The following ABCA3 variants were observed in gnomAD, a reference collection of about 807,000 sequenced individuals.
ABCA3 encodes ATP binding cassette subfamily A member 3.
In ABCA3, 88 loss-of-function variants were observed where a neutral mutation model predicts 172.8. The ratio of observed to expected loss-of-function variants is 0.51; its 90% CI spans 0.43 to 0.61. The LOEUF is 0.61. Ranked by LOEUF, ABCA3 falls within the 20% of genes least tolerant of loss-of-function variation. ABCA3 has a pLI of 0.00. For missense variants in ABCA3, 2,164 were observed against 2,301.0 expected (o/e 0.94, Z 1.22); for synonymous variants, 1,066 against 983.8 (o/e 1.08, Z -1.56).
intron 10 of ABCA3, among the ~76,000 whole-genome samples, chr16:2,310,820 G>A (rs2093705578): frequency 6.6e-6 from 1 of 151,760 alleles, no homozygotes; most frequent in South Asian, 2.1e-4. Flanking sequence ...TTGACCGGCT[G>A]ATTTTTTCTT....
intron 8 of ABCA3, 95 bp from the exon 9 acceptor site, chr16:2,317,859 T>C: frequency 8.9e-7 from 1 of 1,124,608 alleles, no homozygotes; most frequent in Non-Finnish European, 1.3e-6. Flanking sequence ...AGTCCGACTG[T>C]CCCAGCAGCC....
chr16:2,317,589 C>T (rs1039595652), intron 9 of ABCA3, 59 bp downstream of exon 9: 19 of 1,602,768 alleles, frequency 1.2e-5, no homozygotes, highest in Non-Finnish European at 1.6e-5. Flanking sequence ...CAAGAGGGCC[C>T]TCCTGGGGTG....
chr16:2,285,728 C>A lies in ABCA3; in HGVS notation c.3279-82G>T. ...GGTCGGGTTCTCGGTTATGACCGCC[C>A]AAGGCATGCAGGGCAGCAGCCCAAC... On this transcript the variant is annotated intron_variant, in intron 22 of 32. Coordinates refer to ENST00000301732, the MANE Select transcript of ABCA3 (RefSeq NM_001089.3). This position sits in a 1 kb window ranked among gnomAD's most constrained non-coding sequence, Gnocchi z 4.7. 1.4e-6 allele frequency: 2 copies of A among 1,393,746 alleles called. No homozygotes were observed. The highest frequency in any genetic ancestry group is 1.2e-5 in the South Asian group (1 of 80,370). The allele number at this position is 1,393,746 out of a possible 1,614,324, so 86.3% of individuals were successfully genotyped here. A position where few individuals can be genotyped will look rare whatever the true frequency, so the allele number is the denominator to read the frequency against.
chr16:2,339,681 A>C (rs2093757405), intron 1 of ABCA3, among the ~76,000 whole-genome samples: 1 of 152,196 alleles, frequency 6.6e-6, no homozygotes. Flanking sequence ...GAGTTCCAGG[A>C]ACACAAACCC....
chr16:2,301,026 C>T (rs568994792), intron 12 of ABCA3, among the ~76,000 whole-genome samples: 91 of 149,848 alleles, frequency 6.1e-4, no homozygotes, highest in Non-Finnish European at 8.7e-4. Context: ...GTCAGGAGAT[C>T]GAGACCATCC....
chr16:2,315,722 G>C (rs1341990126), intron 10 of ABCA3, among the ~76,000 whole-genome samples: 1 of 151,844 alleles, frequency 6.6e-6, no homozygotes, highest in Non-Finnish European at 1.5e-5. Flanking sequence ...GGAATGCAGT[G>C]GTACAAACTC....
At chr16:2,314,709 TG>T (rs1446418827) in intron 10 of ABCA3, among the ~76,000 whole-genome samples, 4 of 151,616 alleles carry the variant, frequency 2.6e-5, no homozygotes, top group Admixed American at 1.3e-4. Context: ...CCCAAGAAGC[TG>T]GGATTACAGG....
At position 2,298,440 on chromosome 16, in the gene ABCA3, G is replaced by A. The variant is rs201278906; in HGVS notation, c.1842C>T (p.His614=). 3.2e-5 allele frequency: 51 copies of A among 1,614,036 alleles called. 1 individual carries two copies. The East Asian group carries it at 7.8e-4, about 25-fold the overall frequency. Residue 614 remains histidine, a synonymous_variant, in exon 15 of 33, where the codon CAC becomes CAT. Transcript: ENST00000301732. ...CTGTCAAGTTGTCAAACAGGATGTC[G>A]TGCTGCGGGCACAGGCCCAGGCTCT... ...IRKSLGLCPQ[H]DILFDNLTVA...
intron 11 of ABCA3, among the ~76,000 whole-genome samples, chr16:2,305,171 T>C (rs1263838953): frequency 6.6e-6 from 1 of 152,140 alleles, no homozygotes; most frequent in African/African-American, 2.4e-5. Context: ...TCTTGCTCTG[T>C]CACCCAGGCT....
chr16:2,326,038 C>A lies in ABCA3; in HGVS notation c.291G>T (p.Val97=), dbSNP rs768510111. The A allele has an allele frequency of 6.2e-7, 1 of 1,614,024 alleles. No homozygotes were observed. Among genetic ancestry groups the A allele is most frequent in the Non-Finnish European group, 8.5e-7 (1 of 1,180,026 alleles). ...GCATGTTGATCACAAGTGCCCTGCG[C>A]ACTGTCTCAGTGACGGTCTTGGCAG... The part of the protein sequence containing the change: ...SDAAKTVTET[V]RRALVINMRV... The change falls in exon 5 of 33, where the codon GTG becomes GTT. Residue 97 remains valine (V), a synonymous_variant. Coordinates refer to ENST00000301732, the MANE Select transcript of ABCA3 (RefSeq NM_001089.3).
rs536393732 is a variant in ABCA3 at position 2,284,530 on chromosome 16, C to T, written c.3704-93G>A. The T allele has an allele frequency of 2.2e-5, 34 of 1,548,956 alleles. No individual in the cohort carries two copies. In the South Asian group the frequency reaches 2.5e-4, roughly 11 times the overall value. ...GTCAGGGCGGGCACAGGGCCTTATCCGTGCTGTGTGGAGTGAGGGGGCACC... is the reference window on the plus strand; with the variant it reads ...GTCAGGGCGGGCACAGGGCCTTATCTGTGCTGTGTGGAGTGAGGGGGCACC... On this transcript the variant is annotated intron_variant, in intron 24 of 32. Transcript: ENST00000301732. This position sits in a 1 kb window ranked among gnomAD's most constrained non-coding sequence, Gnocchi z 5.9.
In ABCA3 at chr16:2,285,823, A is replaced by G. The variant is rs1244558318; in HGVS notation, c.3279-177T>C. Among the ~76,000 whole-genome samples the G allele has an allele frequency of 6.6e-6, 1 of 152,044 alleles. No homozygotes were observed. Among genetic ancestry groups the G allele is most frequent in the East Asian group, 1.9e-4 (1 of 5,182 alleles). ...CCGGGAACATCTGCCCCCACCGGAG[A>G]ACGGTTCCTCTGGAATTCCTATGCT... On this transcript the variant is annotated intron_variant, in intron 22 of 32. Transcript: ENST00000301732. The surrounding 1 kb of genome is among the most constrained non-coding windows in gnomAD (Gnocchi z 4.7).
chr16:2,283,393 T>C lies in ABCA3; in HGVS notation c.3863-35A>G. Reference sequence around the variant, plus strand: ...GAGGGAGTCACTGTGCCCCGAGGCCTGGGGCACCCTCCTCCCCTTCCAGGT... The same window carrying C: ...GAGGGAGTCACTGTGCCCCGAGGCCCGGGGCACCCTCCTCCCCTTCCAGGT... On this transcript the variant is annotated intron_variant, in intron 25 of 32. Coordinates refer to ENST00000301732, the MANE Select transcript of ABCA3 (RefSeq NM_001089.3). The surrounding 1 kb of genome is among the most constrained non-coding windows in gnomAD (Gnocchi z 5.4). 2.5e-6 allele frequency: 4 copies of C among 1,604,236 alleles called. No individual in the cohort carries two copies. The highest frequency in any genetic ancestry group is 3.4e-6 in the Non-Finnish European group (4 of 1,174,394).
intron 10 of ABCA3, among the ~76,000 whole-genome samples, chr16:2,312,281 T>C (rs187795075): frequency 1.1e-4 from 16 of 152,212 alleles, no homozygotes; most frequent in Admixed American, 3.3e-4. Flanking sequence ...GGAATAACTA[T>C]AGTCTAGTGG....
intron 26 of ABCA3, among the ~76,000 whole-genome samples, chr16:2,282,385 C>T (rs1056280368): frequency 1.3e-5 from 2 of 152,240 alleles, no homozygotes; most frequent in African/African-American, 2.4e-5. Context: ...AGGTGTGAGC[C>T]ACCATGCCTG....
chr16:2,287,911 G>C lies in ABCA3; in HGVS notation c.3004+115C>G, dbSNP rs374080392. ...CTGCTGAACCTCCCTCAGTACATTC[G>C]GAACAGCCAAGAACCATCCTCCCCA... On this transcript the variant is annotated intron_variant, in intron 21 of 32. Coordinates refer to ENST00000301732, the MANE Select transcript of ABCA3 (RefSeq NM_001089.3). This position sits in a 1 kb window ranked among gnomAD's most constrained non-coding sequence, Gnocchi z 4.1. The C allele has an allele frequency of 1.5e-5, 20 of 1,338,946 alleles. No homozygotes were observed. Among genetic ancestry groups the C allele is most frequent in the Non-Finnish European group, 1.3e-5 (13 of 970,804 alleles). 82.9% of individuals were successfully genotyped at this position (1,338,946 alleles called of 1,614,324 possible).
Position 2,287,946 on chromosome 16 carries a change from C to T in ABCA3, c.3004+80G>A, listed in dbSNP as rs2093665557. 7 of 1,553,876 alleles carry T rather than the reference C, an allele frequency of 4.5e-6. No individual in the cohort carries two copies. Among genetic ancestry groups the T allele is most frequent in the South Asian group, 1.1e-5 (1 of 88,490 alleles). ...AGAACCATCCTCCCCAGATGTCGAC[C>T]CTGCTGCAGTCAGGAAGGCGAACTC... On this transcript the variant is annotated intron_variant, in intron 21 of 32. Coordinates refer to ENST00000301732, the MANE Select transcript of ABCA3 (RefSeq NM_001089.3). This position sits in a 1 kb window ranked among gnomAD's most constrained non-coding sequence, Gnocchi z 4.1.
Position 2,297,725 on chromosome 16 carries a change from A to C in ABCA3, c.2052+41T>G. Reference sequence around the variant, plus strand: ...ATGGCGGAAGGGCCATCCCAGGTCGAGCAGGAGGGGAACCCACTGCCTCCA... The same window carrying C: ...ATGGCGGAAGGGCCATCCCAGGTCGCGCAGGAGGGGAACCCACTGCCTCCA... On this transcript the variant is annotated intron_variant, in intron 16 of 32. Transcript: ENST00000301732. This position sits in a 1 kb window ranked among gnomAD's most constrained non-coding sequence, Gnocchi z 5.6. 6.2e-7 allele frequency: 1 copy of C among 1,605,196 alleles called. No homozygotes were observed. The highest frequency in any genetic ancestry group is 1.1e-5 in the South Asian group (1 of 90,992).
chr16:2,318,159 T>A (rs111851024), intron 8 of ABCA3, among the ~76,000 whole-genome samples: 2,844 of 152,286 alleles, frequency 0.019, 38 homozygotes, highest in South Asian at 0.036. Context: ...AACACCAGCC[T>A]CCATGGCTGT....
Sources: allele counts gnomAD v4.1 joint callset (sites outside exome capture counted in the v4.1 genomes callset), GRCh38; gene constraint gnomAD v4.1.1; non-coding constraint Gnocchi (gnomAD v3.1); transcripts MANE v1.5; gene names NCBI Gene and HGNC (gene_info 2026-07-23, HGNC 2026-07-21).